The following NPAS3 variants were observed in gnomAD, a reference collection of about 807,000 sequenced individuals.
NPAS3 encodes the protein neuronal PAS domain-containing protein 3.
Under a neutral mutation model 73.1 loss-of-function variants are expected in NPAS3, and 14 were observed. That is an observed-to-expected ratio of 0.19 (90% CI 0.13 to 0.30). The LOEUF (loss-of-function observed/expected upper bound fraction) is 0.30, where lower values mean the gene tolerates loss of function less well. Among genes scored for constraint, NPAS3 ranks in the 10% least tolerant of loss-of-function variants. The pLI is 1.00. For synonymous variants in NPAS3, 620 were observed against 541.5 expected, an observed-to-expected ratio of 1.14 and a Z score of -2.01; for missense variants, 1,096 against 1,250.0, an observed-to-expected ratio of 0.88 and a Z score of 1.86.
At chr14:33,596,342 A>G (rs1214961798) in intron 5 of NPAS3, among the ~76,000 whole-genome samples, 1 of 152,204 alleles carries the variant, frequency 6.6e-6, no homozygotes, top group Non-Finnish European at 1.5e-5. Context: ...TGTTTGCCTT[A>G]TTTATGCTGT....
At chr14:33,166,668 T>C (rs2045166931) in intron 2 of NPAS3, among the ~76,000 whole-genome samples, 2 of 152,206 alleles carry the variant, frequency 1.3e-5, no homozygotes, top group Admixed American at 1.3e-4. Context: ...TTGATAGACA[T>C]ATTGCCTTCA....
chr14:32,984,803 T>C (rs1318914580), intron 1 of NPAS3, among the ~76,000 whole-genome samples: 1 of 152,220 alleles, frequency 6.6e-6, no homozygotes, highest in African/African-American at 2.4e-5. Flanking sequence ...TTATCCTTAG[T>C]CATGTGAATA....
intron 4 of NPAS3, among the ~76,000 whole-genome samples, chr14:33,514,224 T>C (rs1313610232): frequency 6.6e-6 from 1 of 152,022 alleles, no homozygotes; most frequent in East Asian, 1.9e-4. Flanking sequence ...AGGCAACCCA[T>C]GGTATAAGGA....
At chr14:33,669,489 A>G (rs999746044) in intron 5 of NPAS3, among the ~76,000 whole-genome samples, 12 of 152,226 alleles carry the variant, frequency 7.9e-5, no homozygotes, top group Admixed American at 3.9e-4. Context: ...AAAGAAAAGG[A>G]TATTGACACA....
intron 4 of NPAS3, among the ~76,000 whole-genome samples, chr14:33,520,415 C>CT (rs1237061915): frequency 1.3e-4 from 19 of 151,586 alleles, no homozygotes; most frequent in Admixed American, 1.1e-3. Context: ...GGTTTGTTTT[C>CT]TTTTTTTTAA....
intron 4 of NPAS3, among the ~76,000 whole-genome samples, chr14:33,546,923 T>C (rs914968686): frequency 1.3e-5 from 2 of 152,166 alleles, no homozygotes; most frequent in East Asian, 3.9e-4. Context: ...GTGTGCTGTT[T>C]AGGAAAAGGC....
chr14:33,653,914 C>T (rs1403854332), intron 5 of NPAS3, among the ~76,000 whole-genome samples: 1 of 152,056 alleles, frequency 6.6e-6, no homozygotes. Flanking sequence ...AGGTGTGGTC[C>T]CCAAATGATT....
At chr14:33,278,090 A>G (rs1342563063) in intron 3 of NPAS3, among the ~76,000 whole-genome samples, 2 of 152,134 alleles carry the variant, frequency 1.3e-5, no homozygotes, top group Admixed American at 6.6e-5. Flanking sequence ...TGTTAATTGG[A>G]TGTGGATTTG....
At chr14:33,268,217 T>C (rs2040903277) in intron 3 of NPAS3, among the ~76,000 whole-genome samples, 1 of 152,072 alleles carries the variant, frequency 6.6e-6, no homozygotes, top group African/African-American at 2.4e-5. Context: ...TCTGCTGCCT[T>C]TTTGATCTGA....
At chr14:33,668,938 CAATAACAA>C (rs545999617) in intron 5 of NPAS3, among the ~76,000 whole-genome samples, 16 of 152,144 alleles carry the variant, frequency 1.1e-4, no homozygotes, top group Non-Finnish European at 1.9e-4. Context: ...GCTATGAAAA[CAATAACAA>C]AAATTGAGAC....
At chr14:33,387,513 C>T (rs1010343785) in intron 4 of NPAS3, among the ~76,000 whole-genome samples, 27 of 152,236 alleles carry the variant, frequency 1.8e-4, no homozygotes, top group African/African-American at 6.3e-4. Flanking sequence ...ATTACATGCA[C>T]TTTGGGAGGC....
At chr14:33,634,803 C>G (rs1240179549) in intron 5 of NPAS3, among the ~76,000 whole-genome samples, 2 of 152,176 alleles carry the variant, frequency 1.3e-5, no homozygotes, top group Non-Finnish European at 2.9e-5. Context: ...AATCATCAGT[C>G]TTGCTATTAG....
chr14:33,625,998 G>A (rs566553772), intron 5 of NPAS3, among the ~76,000 whole-genome samples: 1 of 152,264 alleles, frequency 6.6e-6, no homozygotes, highest in African/African-American at 2.4e-5. Context: ...AAATAGAATT[G>A]TCAAAGAGAA....
chr14:33,193,301 A>G (rs1252606606), intron 2 of NPAS3, among the ~76,000 whole-genome samples: 2 of 151,866 alleles, frequency 1.3e-5, no homozygotes, highest in Non-Finnish European at 2.9e-5. Context: ...GAAAACCAAC[A>G]TAGTCAAGAA....
rs146371937 is a variant in NPAS3, at chr14:33,263,444, A to G, written c.385+48018A>G. Reference sequence around the variant, plus strand: ...CAGATAGTTGTAGATGTGTGGCATTATTTCTGAGGCCTCTGTTCTGTTCTA... The same window carrying G: ...CAGATAGTTGTAGATGTGTGGCATTGTTTCTGAGGCCTCTGTTCTGTTCTA... On this transcript the variant is annotated intron_variant, in intron 3 of 11. Coordinates refer to ENST00000356141, the Ensembl canonical transcript of NPAS3. 2.4e-3 allele frequency among the ~76,000 whole-genome samples: 363 copies of G among 152,180 alleles called. 3 individuals carry two copies. The highest frequency in any genetic ancestry group is 8.5e-3 in the African/African-American group (352 of 41,536).
At chr14:33,498,554 A>G (rs966154275) in intron 4 of NPAS3, among the ~76,000 whole-genome samples, 1 of 152,122 alleles carries the variant, frequency 6.6e-6, no homozygotes, top group Admixed American at 6.6e-5. Context: ...ACATGGATGA[A>G]GCTGGAAACC....
rs2062925135 is a variant in NPAS3, at chr14:33,779,812, C to A, written c.1153+1240C>A. 2.0e-5 allele frequency among the ~76,000 whole-genome samples: 3 copies of A among 152,138 alleles called. No individual in the cohort carries two copies. In the South Asian group the frequency reaches 6.2e-4, roughly 32 times the overall value. ...AGTGATGCATTTCTTAGAATGTATC[C>A]CCATCATTAAACAACACACGGCTGT... On this transcript the variant is annotated intron_variant, in intron 9 of 11. Transcript: ENST00000356141.
intron 5 of NPAS3, among the ~76,000 whole-genome samples, chr14:33,636,314 A>G (rs1416445342): frequency 1.3e-5 from 2 of 152,222 alleles, no homozygotes; most frequent in Non-Finnish European, 2.9e-5. Flanking sequence ...TCCATTTATG[A>G]AAAAGTGTTT....
intron 1 of NPAS3, among the ~76,000 whole-genome samples, chr14:33,055,229 C>G (rs997606258): frequency 6.6e-6 from 1 of 152,126 alleles, no homozygotes; most frequent in African/African-American, 2.4e-5. Flanking sequence ...AATTTATATG[C>G]TTAAGTAACA....
Sources: gnomAD v4.1 joint callset for allele counts (sites outside exome capture counted in the v4.1 genomes callset) on GRCh38, gnomAD v4.1.1 for gene constraint, MANE v1.5 for transcripts, NCBI Gene and HGNC (gene_info 2026-07-23, HGNC 2026-07-21) for gene names.